Variants in ADAMTSL1 observed in about 807,000 individuals in gnomAD.
The protein encoded by ADAMTSL1 is ADAMTS-like protein 1.
ADAMTSL1 carries 126 observed loss-of-function variants against 201.8 expected under a neutral mutation model. The observed-to-expected ratio is 0.62, with a 90% confidence interval of 0.54 to 0.72. The LOEUF (loss-of-function observed/expected upper bound fraction) is 0.72. Ranked by LOEUF, ADAMTSL1 falls within the 30% of genes least tolerant of loss-of-function variation. The pLI is 0.00. For synonymous variants in ADAMTSL1, 1,121 were observed against 903.4 expected (o/e 1.24, Z -4.32); for missense variants, 2,679 against 2,277.8 (o/e 1.18, Z -3.59).
Position 18,149,768 on chromosome 9 carries a change from CAGAG to C in ADAMTSL1, c.88-14090_88-14087del, listed in dbSNP as rs571122825. ...ACTGAAGAAAGGATAAGATTAGAAA[CAGAG>C]AGACTATCAAGAAGAATGCTATAGT... On this transcript the variant is annotated intron_variant, in intron 1 of 29. Coordinates refer to the ADAMTSL1 transcript ENST00000680146. 6.6e-5 allele frequency among the ~76,000 whole-genome samples: 10 copies of C among 152,140 alleles called. No homozygotes were observed. The South Asian group carries it at 2.1e-3, about 32-fold the overall frequency.
intron 19 of ADAMTSL1, among the ~76,000 whole-genome samples, chr9:18,782,388 T>C (rs1267743991): frequency 6.6e-6 from 1 of 152,224 alleles, no homozygotes; most frequent in Non-Finnish European, 1.5e-5. Context: ...AAATGGCACA[T>C]ATTGGAGAGA....
intron 23 of ADAMTSL1, among the ~76,000 whole-genome samples, chr9:18,879,705 T>C (rs916283100): frequency 6.6e-6 from 1 of 152,268 alleles, no homozygotes; most frequent in Non-Finnish European, 1.5e-5. Flanking sequence ...TTTTTGCTGG[T>C]GGAGGGTCTT....
intron 2 of ADAMTSL1, among the ~76,000 whole-genome samples, chr9:18,206,102 A>G (rs1829638807): frequency 6.8e-6 from 1 of 146,622 alleles, no homozygotes; most frequent in South Asian, 2.2e-4. Context: ...AAGAACCTAA[A>G]TTTTGACATG....
At chr9:18,400,232 C>A (rs1817933974) in intron 2 of ADAMTSL1, among the ~76,000 whole-genome samples, 1 of 123,996 alleles carries the variant, frequency 8.1e-6, no homozygotes, top group East Asian at 2.0e-4. Flanking sequence ...TACTGTGATA[C>A]TTATTTCTAA....
At chr9:18,010,971 C>G (rs1188348764) in intron 1 of ADAMTSL1, among the ~76,000 whole-genome samples, 1 of 151,740 alleles carries the variant, frequency 6.6e-6, no homozygotes, top group East Asian at 1.9e-4. Context: ...GTATTAAATT[C>G]TATAATTTCA....
intron 2 of ADAMTSL1, among the ~76,000 whole-genome samples, chr9:18,423,731 A>G (rs1312227877): frequency 6.6e-6 from 1 of 152,228 alleles, no homozygotes; most frequent in Non-Finnish European, 1.5e-5. Flanking sequence ...GCGTTAGAAA[A>G]GATTGGGTGT....
chr9:18,904,262 A>G (rs1188319770), intron 26 of ADAMTSL1, among the ~76,000 whole-genome samples: 1 of 152,134 alleles, frequency 6.6e-6, no homozygotes, highest in African/African-American at 2.4e-5. Flanking sequence ...TGAGGTCAAG[A>G]ATTCAAAACC....
chr9:18,107,291 C>A (rs760711803), intron 1 of ADAMTSL1, among the ~76,000 whole-genome samples: 1 of 152,154 alleles, frequency 6.6e-6, no homozygotes, highest in Non-Finnish European at 1.5e-5. Flanking sequence ...AGCAGTTTTA[C>A]ATTGATGGGC....
chr9:18,099,595 T>G (rs1824425171), intron 1 of ADAMTSL1, among the ~76,000 whole-genome samples: 1 of 151,056 alleles, frequency 6.6e-6, no homozygotes. Context: ...TCCCTTTCTC[T>G]TGAATCAATT....
At chr9:17,986,111 G>C (rs1480360296) in intron 1 of ADAMTSL1, among the ~76,000 whole-genome samples, 6 of 152,102 alleles carry the variant, frequency 3.9e-5, no homozygotes, top group African/African-American at 1.4e-4. Flanking sequence ...TTTGCACACA[G>C]ATTTAATTGT....
At chr9:18,639,517 C>G in intron 7 of ADAMTSL1, 106 bp downstream of exon 7, 1 of 1,341,334 alleles carries the variant, frequency 7.5e-7, no homozygotes, top group Non-Finnish European at 1.0e-6. Context: ...GTTTGGAAAG[C>G]CCGTTTGTTA....
intron 1 of ADAMTSL1, among the ~76,000 whole-genome samples, chr9:17,926,133 T>C (rs1266067868): frequency 6.6e-6 from 1 of 152,180 alleles, no homozygotes; most frequent in Non-Finnish European, 1.5e-5. Flanking sequence ...GTTTTCTTTA[T>C]TGTTAATAAT....
intron 2 of ADAMTSL1, among the ~76,000 whole-genome samples, chr9:18,206,453 CCTT>C (rs1475958390): frequency 6.6e-6 from 1 of 152,082 alleles, no homozygotes; most frequent in East Asian, 1.9e-4. Context: ...TCAGCAAAAA[CCTT>C]CTTTTTTGTT....
chr9:18,174,093 A>G (rs927907474), intron 2 of ADAMTSL1, among the ~76,000 whole-genome samples: 4 of 152,190 alleles, frequency 2.6e-5, no homozygotes, highest in South Asian at 2.1e-4. Context: ...AAGCATAAAC[A>G]TAAGACTTAT....
chr9:17,945,115 A>C (rs1827403711), intron 1 of ADAMTSL1, among the ~76,000 whole-genome samples: 1 of 115,042 alleles, frequency 8.7e-6, no homozygotes, highest in Non-Finnish European at 1.8e-5. Flanking sequence ...AAACAAATTT[A>C]CAAGAAAAAA....
intron 1 of ADAMTSL1, among the ~76,000 whole-genome samples, chr9:17,922,324 T>C (rs1826338351): frequency 6.6e-6 from 1 of 152,160 alleles, no homozygotes; most frequent in African/African-American, 2.4e-5. Context: ...AAGGACTCTT[T>C]AGTCTTGTGT....
At chr9:18,898,450 C>T (rs1003473789) in intron 26 of ADAMTSL1, among the ~76,000 whole-genome samples, 4 of 152,150 alleles carry the variant, frequency 2.6e-5, no homozygotes, top group Non-Finnish European at 4.4e-5. Context: ...TGAAATAAGA[C>T]AGGCAGACAA....
intron 1 of ADAMTSL1, among the ~76,000 whole-genome samples, chr9:17,954,700 A>G (rs1827862432): frequency 1.3e-5 from 2 of 152,184 alleles, no homozygotes; most frequent in African/African-American, 4.8e-5. Flanking sequence ...AGTTTGAGCC[A>G]GAGAAGTGGG....
At chr9:18,845,936 T>C (rs549793038) in intron 23 of ADAMTSL1, among the ~76,000 whole-genome samples, 5 of 152,192 alleles carry the variant, frequency 3.3e-5, no homozygotes, top group Non-Finnish European at 7.3e-5. Context: ...TGAATAAATA[T>C]TAATATCCAA....
Sources: allele counts gnomAD v4.1 joint callset (sites outside exome capture counted in the v4.1 genomes callset), GRCh38; gene constraint gnomAD v4.1.1; transcripts MANE v1.5; gene names NCBI Gene and HGNC (gene_info 2026-07-23, HGNC 2026-07-21).